PRKCH: variants seen among roughly 807,000 people sequenced by gnomAD.
PRKCH encodes the protein protein kinase C eta.
PRKCH carries 28 observed loss-of-function variants against 82.5 expected under a neutral mutation model. The ratio of observed to expected loss-of-function variants is 0.34; its 90% CI spans 0.25 to 0.47. The LOEUF is 0.47. Among genes scored for constraint, PRKCH ranks in the 20% least tolerant of loss-of-function variants. The pLI is 1.00. For synonymous variants in PRKCH, 322 were observed against 327.4 expected, an observed-to-expected ratio of 0.98 and a Z score of 0.18; for missense variants, 705 against 881.8, an observed-to-expected ratio of 0.80 and a Z score of 2.54.
chr14:61,212,313 C>T (rs894915160), intron 1 of PRKCH, among the ~76,000 whole-genome samples: 7 of 152,300 alleles, frequency 4.6e-5, no homozygotes, highest in Admixed American at 6.5e-5. Flanking sequence ...GATGGACTTT[C>T]CTGTTGCAGA....
At chr14:61,236,330 A>G (rs2044787525) in intron 1 of PRKCH, among the ~76,000 whole-genome samples, 1 of 152,214 alleles carries the variant, frequency 6.6e-6, no homozygotes, top group Non-Finnish European at 1.5e-5. Context: ...CCAGATGGTT[A>G]AGGCATTCTA....
chr14:61,220,828 T>C (rs912853807), intron 1 of PRKCH, among the ~76,000 whole-genome samples: 1 of 151,976 alleles, frequency 6.6e-6, no homozygotes, highest in Non-Finnish European at 1.5e-5. Context: ...AGGAAGAAAA[T>C]GAAACAGGCA....
chr14:61,412,718 T>G (rs577760519), intron 2 of PRKCH, among the ~76,000 whole-genome samples: 5 of 152,164 alleles, frequency 3.3e-5, no homozygotes, highest in Non-Finnish European at 4.4e-5. Flanking sequence ...CTTGTGTTGG[T>G]TTCTCAGCAA....
chr14:61,513,270 A>G (rs1319114164), intron 10 of PRKCH, among the ~76,000 whole-genome samples: 1 of 152,188 alleles, frequency 6.6e-6, no homozygotes, highest in East Asian at 1.9e-4. Context: ...TTCAGTTAGT[A>G]CTTAATTGGC....
intron 1 of PRKCH, among the ~76,000 whole-genome samples, chr14:61,328,228 G>T (rs1287929457): frequency 7.4e-6 from 1 of 135,680 alleles, no homozygotes; most frequent in African/African-American, 2.8e-5. Flanking sequence ...CCGCAGTCCG[G>T]CCTGGGCAAC....
chr14:61,321,845 G>A lies in PRKCH; in HGVS notation c.-257G>A, dbSNP rs894012839. 1 of 389,230 alleles carries A rather than the reference G, an allele frequency of 2.6e-6. No homozygotes were observed. Among genetic ancestry groups the A allele is most frequent in the African/African-American group, 2.1e-5 (1 of 47,890 alleles). The allele number at this position is 389,230 out of a possible 1,614,324, so 24.1% of individuals were successfully genotyped here. On this transcript the variant is annotated 5_prime_UTR_variant, in exon 1 of 14. Transcript: ENST00000332981. The surrounding 1 kb of genome is among the most constrained non-coding windows in gnomAD (Gnocchi z 4.1). Reference sequence around the variant, plus strand: ...CCGGGAGGCGCCGCGCGCTTGGAAGGGACGGTCGGGCTTCCCCGGCCCGCT... The same window carrying A: ...CCGGGAGGCGCCGCGCGCTTGGAAGAGACGGTCGGGCTTCCCCGGCCCGCT...
intron 2 of PRKCH, among the ~76,000 whole-genome samples, chr14:61,414,180 C>A (rs762149208): frequency 2.0e-5 from 3 of 152,170 alleles, no homozygotes; most frequent in Admixed American, 6.5e-5. Context: ...GCTCTCCACT[C>A]CTCCGTCTAT....
chr14:61,244,805 T>C (rs1415269806), intron 1 of PRKCH, among the ~76,000 whole-genome samples: 5 of 152,198 alleles, frequency 3.3e-5, no homozygotes, highest in Admixed American at 3.3e-4. Flanking sequence ...TGCCTCACAC[T>C]TTATATACCC....
intron 1 of PRKCH, among the ~76,000 whole-genome samples, chr14:61,241,547 G>T (rs531956025): frequency 6.6e-6 from 1 of 151,668 alleles, no homozygotes; most frequent in South Asian, 2.1e-4. Context: ...CATACAAAAA[G>T]ACATTGCTTT....
chr14:61,424,680 G>A (rs1296155752), intron 2 of PRKCH, among the ~76,000 whole-genome samples: 1 of 152,212 alleles, frequency 6.6e-6, no homozygotes, highest in Non-Finnish European at 1.5e-5. Flanking sequence ...AGAAATTAAA[G>A]CTGGCTGCAG....
At chr14:61,514,544 G>A (rs183757968) in intron 10 of PRKCH, among the ~76,000 whole-genome samples, 3 of 152,066 alleles carry the variant, frequency 2.0e-5, no homozygotes, top group South Asian at 2.1e-4. Flanking sequence ...GCAGCTTCAC[G>A]TTGGCTGTAG....
chr14:61,395,149 G>A (rs533833708), intron 2 of PRKCH, among the ~76,000 whole-genome samples: 200 of 152,220 alleles, frequency 1.3e-3, no homozygotes, highest in African/African-American at 4.4e-3. Flanking sequence ...GTCTCTGTGC[G>A]TGCATTGCTT....
At chr14:61,297,336 A>G (rs1365022418) in intron 1 of PRKCH, among the ~76,000 whole-genome samples, 4 of 152,226 alleles carry the variant, frequency 2.6e-5, no homozygotes, top group Non-Finnish European at 4.4e-5. Flanking sequence ...TACAGAAACT[A>G]TTCCTTTCTG....
At chr14:61,378,701 C>T (rs1256559702) in intron 1 of PRKCH, among the ~76,000 whole-genome samples, 2 of 152,184 alleles carry the variant, frequency 1.3e-5, no homozygotes, top group African/African-American at 4.8e-5. Flanking sequence ...CCCTTGGAGT[C>T]CCTGTCTCAG....
At chr14:61,310,032 G>GC (rs138371386) in intron 1 of PRKCH, among the ~76,000 whole-genome samples, 4,613 of 151,900 alleles carry the variant, frequency 0.03, 131 homozygotes, top group African/African-American at 0.071. Flanking sequence ...GGAGGGAACC[G>GC]CCCCCCCTCC....
intron 1 of PRKCH, among the ~76,000 whole-genome samples, chr14:61,200,356 C>G (rs2044470579): frequency 6.6e-6 from 1 of 151,818 alleles, no homozygotes; most frequent in Non-Finnish European, 1.5e-5. Context: ...AAAACAGGAA[C>G]ACTCATATGC....
At chr14:61,298,053 C>A (rs1207920473) in intron 1 of PRKCH, 1 of 152,172 alleles carries the variant, frequency 6.6e-6, no homozygotes, top group African/African-American at 2.4e-5. Context: ...GACTTTGTCC[C>A]CTACATAGCA....
chr14:61,454,216 G>A (rs1338279763), intron 7 of PRKCH, among the ~76,000 whole-genome samples: 3 of 151,644 alleles, frequency 2.0e-5, no homozygotes, highest in Non-Finnish European at 4.4e-5. Context: ...CAATTCTCCT[G>A]CCTCAGCCTC....
intron 9 of PRKCH, among the ~76,000 whole-genome samples, chr14:61,484,939 G>C (rs1886147343): frequency 6.6e-6 from 1 of 151,398 alleles, no homozygotes; most frequent in South Asian, 2.1e-4. Context: ...GCCCAGGCTG[G>C]TCTTGAACCC....
Sources: allele counts gnomAD v4.1 joint callset (sites outside exome capture counted in the v4.1 genomes callset), GRCh38; gene constraint gnomAD v4.1.1; non-coding constraint Gnocchi (gnomAD v3.1); transcripts MANE v1.5; gene names NCBI Gene and HGNC (gene_info 2026-07-23, HGNC 2026-07-21).